Variants in USP36 observed in about 807,000 individuals in gnomAD.
USP36 encodes ubiquitin specific peptidase 36.
USP36 carries 59 observed loss-of-function variants against 111.5 expected under a neutral mutation model. The ratio of observed to expected loss-of-function variants is 0.53; its 90% CI spans 0.43 to 0.66. The LOEUF (loss-of-function observed/expected upper bound fraction) is 0.66, where lower values mean the gene tolerates loss of function less well. Ranked by LOEUF, USP36 falls within the 30% of genes least tolerant of loss-of-function variation. The pLI, the probability that USP36 is intolerant of heterozygous loss-of-function variation, is 0.00. For missense variants in USP36, 1,488 were observed against 1,468.0 expected (o/e 1.01, Z -0.22); for synonymous variants, 628 against 581.0 (o/e 1.08, Z -1.16).
At position 78,798,488 on chromosome 17, in the gene USP36, G is replaced by T. The variant is rs1258056875; in HGVS notation, c.3304C>A (p.Gln1102Lys). The T allele has an allele frequency of 3.1e-6, 5 of 1,614,160 alleles. No homozygotes were observed. The East Asian group carries it at 8.9e-5, about 29-fold the overall frequency. ...RRNFNAFQKL[Q>K]TRRNFWSVTH... ...ACAGACCAGAAGTTCCGTCGAGTCTGAAGTTTCTGGAAGGCGTTGAAGTTT... is the reference window on the plus strand; with the variant it reads ...ACAGACCAGAAGTTCCGTCGAGTCTTAAGTTTCTGGAAGGCGTTGAAGTTT... Residue 1102 changes from glutamine (Q) to lysine (K), a missense_variant, in exon 20 of 21, where the codon CAG becomes AAG. By Grantham distance (53) the Gln-to-Lys change is moderately conservative (BLOSUM62 1). This residue lies in a region of USP36 where 1,073 missense variants were observed against 994.1 expected (regional missense o/e 1.08). Transcript: ENST00000449938. This position sits in a 1 kb window ranked among gnomAD's most constrained non-coding sequence, Gnocchi z 5.1.
chr17:78,820,928 T>C, intron 8 of USP36, 63 bp downstream of exon 8: 1 of 1,530,368 alleles, frequency 6.5e-7, no homozygotes, highest in Non-Finnish European at 8.9e-7. Context: ...GTTCTGCGGG[T>C]TCTGTTTCAC....
At chr17:78,808,945 G>T (rs1425735827) in intron 13 of USP36, among the ~76,000 whole-genome samples, 1 of 152,096 alleles carries the variant, frequency 6.6e-6, no homozygotes, top group Admixed American at 6.5e-5. Flanking sequence ...TTCTGGAAAT[G>T]AAATTACAGA....
chr17:78,814,942 T>C (rs1034885091), intron 10 of USP36, among the ~76,000 whole-genome samples: 2 of 151,666 alleles, frequency 1.3e-5, no homozygotes, highest in Non-Finnish European at 2.9e-5. Flanking sequence ...AGAGCGAGAC[T>C]GTCTCAAAAC....
intron 13 of USP36, among the ~76,000 whole-genome samples, chr17:78,809,386 C>T (rs2093994164): frequency 6.6e-6 from 1 of 152,226 alleles, no homozygotes; most frequent in African/African-American, 2.4e-5. Context: ...CATCTTTCCA[C>T]TGCACCGCAA....
At position 78,801,557 on chromosome 17, in the gene USP36, G is replaced by A. The variant is rs563083231; in HGVS notation, c.3022+767C>T. ...ACTTAACAAATGTGTTCTGTGGCGG[G>A]TGCCTGCCAAGGCATGCCCCAGCCA... On this transcript the variant is annotated intron_variant, in intron 17 of 20. Transcript: ENST00000449938. 1.2e-4 allele frequency among the ~76,000 whole-genome samples: 19 copies of A among 152,186 alleles called. No homozygotes were observed. In the South Asian group the frequency reaches 3.9e-3, roughly 32 times the overall value.
chr17:78,812,970 G>T lies in USP36; in HGVS notation c.1297C>A (p.Leu433Ile), dbSNP rs1447061142. The T allele has an allele frequency of 1.2e-6, 2 of 1,614,050 alleles. No individual in the cohort carries two copies. The highest frequency in any genetic ancestry group is 2.2e-5 in the South Asian group (2 of 91,072). The stretch of plus-strand genomic sequence containing the variant: ...GAGGAGGAGCCTGTCCTGGAGATGA[G>T]GCCCTCGGGACTTTTCTTAGAGCCT... ...IPGSKKSPEG[L>I]ISRTGSSSLP... The change falls in exon 13 of 21, where the codon CTC (leucine) becomes ATC (isoleucine). Residue 433 changes from leucine to isoleucine, a missense_variant. Leu to Ile is a conservative substitution (Grantham distance 5, BLOSUM62 2). This residue lies in a region of USP36 where 1,073 missense variants were observed against 994.1 expected (regional missense o/e 1.08). Transcript: ENST00000449938.
At chr17:78,821,408 A>G (rs1567952528) in intron 7 of USP36, 2 of 60,280 alleles carry the variant, frequency 3.3e-5, no homozygotes, top group African/African-American at 9.3e-5. Flanking sequence ...ATATATATAT[A>G]TATATATATA....
intron 5 of USP36, among the ~76,000 whole-genome samples, chr17:78,827,807 G>A (rs544593738): frequency 1.3e-5 from 2 of 152,348 alleles, no homozygotes; most frequent in African/African-American, 4.8e-5. Context: ...TACTTAGGTG[G>A]CTGAGGCAGG....
Position 78,827,366 on chromosome 17 carries a change from G to T in USP36, c.587-19C>A, listed in dbSNP as rs750968415. On this transcript the variant is annotated intron_variant, in intron 5 of 20. Coordinates refer to ENST00000449938, the MANE Select transcript of USP36 (RefSeq NM_001385174.1). ...GCGATCTCTAAAAGAGGAAGAAACA[G>T]GGAGGGAAGAGCTCGTGTCTTCTCA... 147 of 1,599,086 alleles carry T rather than the reference G, an allele frequency of 9.2e-5. No homozygotes were observed. The highest frequency in any genetic ancestry group is 1.1e-4 in the Non-Finnish European group (132 of 1,170,086).
intron 4 of USP36, among the ~76,000 whole-genome samples, chr17:78,834,669 C>T (rs1317795184): frequency 1.3e-5 from 2 of 152,152 alleles, no homozygotes; most frequent in Non-Finnish European, 2.9e-5. Context: ...TCTCCAACTC[C>T]TGACCTCAAG....
At chr17:78,824,613 A>C (rs1391220220) in intron 6 of USP36, among the ~76,000 whole-genome samples, 1 of 152,232 alleles carries the variant, frequency 6.6e-6, no homozygotes, top group Non-Finnish European at 1.5e-5. Flanking sequence ...ATCCAAAGAA[A>C]TTTGAGAAAT....
At position 78,799,585 on chromosome 17, in the gene USP36, C is replaced by T. The variant is rs547009652; in HGVS notation, c.3124+82G>A. On this transcript the variant is annotated intron_variant, in intron 18 of 20. Coordinates refer to ENST00000449938, the MANE Select transcript of USP36 (RefSeq NM_001385174.1). ...ATGCCCGCCCGCCACACTCACAGTGCACCAGGATCCATTCCACACCCTTCC... is the reference window on the plus strand; with the variant it reads ...ATGCCCGCCCGCCACACTCACAGTGTACCAGGATCCATTCCACACCCTTCC... 1,656 of 1,275,196 alleles carry T rather than the reference C, an allele frequency of 1.3e-3. 29 individuals carry two copies. The South Asian group carries it at 0.019, about 15-fold the overall frequency. The allele number at this position is 1,275,196 out of a possible 1,614,324, so 79.0% of individuals were successfully genotyped here. A position where few individuals can be genotyped will look rare whatever the true frequency, so the allele number is the denominator to read the frequency against.
At chr17:78,817,914 C>T (rs925439363) in intron 10 of USP36, among the ~76,000 whole-genome samples, 8 of 151,922 alleles carry the variant, frequency 5.3e-5, no homozygotes, top group Non-Finnish European at 1.0e-4. Flanking sequence ...GATGCTGTCT[C>T]TACAAAAAAC....
rs1043694854 is a variant in USP36, at chr17:78,803,232, C to T, written c.2810+153G>A. 6.6e-6 allele frequency among the ~76,000 whole-genome samples: 1 copy of T among 152,116 alleles called. No homozygotes were observed. Among genetic ancestry groups the T allele is most frequent in the African/African-American group, 2.4e-5 (1 of 41,428 alleles). ...GATTACAGGTGTGAGCCACCACACC[C>T]AGCCAGAGGAGACATCTGATCACAA... On this transcript the variant is annotated intron_variant, in intron 16 of 20. Coordinates refer to ENST00000449938, the MANE Select transcript of USP36 (RefSeq NM_001385174.1). The surrounding 1 kb of genome is among the most constrained non-coding windows in gnomAD (Gnocchi z 4.6).
At chr17:78,830,212 T>C (rs2067960361) in intron 4 of USP36, among the ~76,000 whole-genome samples, 1 of 152,252 alleles carries the variant, frequency 6.6e-6, no homozygotes, top group Non-Finnish European at 1.5e-5. Context: ...CACACATGTG[T>C]ATCCATGAAC....
rs58923077 is a variant in USP36, at chr17:78,821,409, TA to T, written c.758-349del. 156 of 65,140 alleles carry T rather than the reference TA, an allele frequency of 2.4e-3. 1 individual carries two copies. Among genetic ancestry groups the T allele is most frequent in the Non-Finnish European group, 3.2e-3 (118 of 36,550 alleles). The allele number at this position is 65,140 out of a possible 1,614,324, so 4.0% of individuals were successfully genotyped here. ...GAGAATATATATATATATATATATA[TA>T]TATATATATATTTTTTTTTTTTTTT... On this transcript the variant is annotated intron_variant, in intron 7 of 20. Transcript: ENST00000449938.
At chr17:78,799,155 G>T in intron 18 of USP36, 132 bp from the exon 19 acceptor site, 1 of 887,204 alleles carries the variant, frequency 1.1e-6, no homozygotes, top group South Asian at 1.5e-5. Context: ...TTGTGGTGAA[G>T]AGAAGGACAA....
intron 7 of USP36, chr17:78,821,331 G>A (rs62075628): frequency 0.17 from 49,779 of 295,448 alleles, 4,823 homozygotes; most frequent in Middle Eastern, 0.25. Flanking sequence ...TGCTGAGGGA[G>A]AGCAGAGGGA....
intron 10 of USP36, among the ~76,000 whole-genome samples, chr17:78,814,933 G>A (rs879711130): frequency 6.6e-6 from 1 of 152,064 alleles, no homozygotes; most frequent in Admixed American, 6.6e-5. Flanking sequence ...CTGGGCGACA[G>A]AGCGAGACTG....
Sources: allele counts gnomAD v4.1 joint callset (sites outside exome capture counted in the v4.1 genomes callset), GRCh38; gene constraint gnomAD v4.1.1; regional missense constraint gnomAD v4.1.1; non-coding constraint Gnocchi (gnomAD v3.1); transcripts MANE v1.5; gene names NCBI Gene and HGNC (gene_info 2026-07-23, HGNC 2026-07-21).